The following CIDEA variants were observed in gnomAD, a reference collection of about 807,000 sequenced individuals.
CIDEA encodes cell death inducing DFFA like effector a, also known as lipid transferase CIDEA.
CIDEA carries 10 observed loss-of-function variants against 18.2 expected under a neutral mutation model. That is an observed-to-expected ratio of 0.55 (90% CI 0.34 to 0.93). The LOEUF (loss-of-function observed/expected upper bound fraction) is 0.93, where lower values mean the gene tolerates loss of function less well. Ranked by LOEUF, CIDEA falls within the 40% of genes least tolerant of loss-of-function variation. The pLI is 0.02. For missense variants in CIDEA, 309 were observed against 293.1 expected, an observed-to-expected ratio of 1.05 and a Z score of -0.40; for synonymous variants, 128 against 124.8, an observed-to-expected ratio of 1.03 and a Z score of -0.17.
intron 2 of CIDEA, 21 bp from the exon 3 acceptor site, chr18:12,264,286 T>A: frequency 6.4e-7 from 1 of 1,564,260 alleles, no homozygotes; most frequent in Admixed American, 2.0e-5. Context: ...ACTCCATTTC[T>A]CTGATGTGTT....
chr18:12,260,275 G>A (rs1349170320), intron 1 of CIDEA, among the ~76,000 whole-genome samples: 2 of 151,902 alleles, frequency 1.3e-5, no homozygotes, highest in African/African-American at 4.8e-5. Context: ...TCTAGGGCTC[G>A]AGCAATCCCC....
chr18:12,276,375 T>G (rs970037107), intron 4 of CIDEA, among the ~76,000 whole-genome samples: 2 of 151,974 alleles, frequency 1.3e-5, no homozygotes, highest in Non-Finnish European at 2.9e-5. Context: ...TCACTGCAGC[T>G]TCCAACTCTT....
At position 12,254,626 on chromosome 18, in the gene CIDEA, C is replaced by A. The variant is rs1462622559; in HGVS notation, c.38+205C>A. On this transcript the variant is annotated intron_variant, in intron 1 of 4. Transcript: ENST00000320477. ...CGTCCAGCCGCGCCCGCGGGCAGAGCCCAATCCCGTCCCGCGCCTCCTCAC... is the reference window on the plus strand; with the variant it reads ...CGTCCAGCCGCGCCCGCGGGCAGAGACCAATCCCGTCCCGCGCCTCCTCAC... 3.3e-6 allele frequency: 5 copies of A among 1,528,906 alleles called. No homozygotes were observed. The Admixed American group carries it at 9.9e-5, about 30-fold the overall frequency. The allele number at this position is 1,528,906 out of a possible 1,614,324, so 94.7% of individuals were successfully genotyped here.
chr18:12,274,284 T>A lies in CIDEA; in HGVS notation c.512+10T>A. 4.3e-6 allele frequency: 7 copies of A among 1,613,418 alleles called. No individual in the cohort carries two copies. In the South Asian group the frequency reaches 7.7e-5, roughly 18 times the overall value. On this transcript the variant is annotated intron_variant, in intron 4 of 4. Coordinates refer to ENST00000320477, the MANE Select transcript of CIDEA (RefSeq NM_001279.4). ...TCAAGGGCCTGCTGAGGTAACACAC[T>A]CCAGGGGTCACCTCCGGGGGTCTGC...
intron 1 of CIDEA, among the ~76,000 whole-genome samples, chr18:12,258,899 G>C (rs576311481): frequency 2.0e-4 from 30 of 152,310 alleles, no homozygotes; most frequent in African/African-American, 7.0e-4. Flanking sequence ...AGGTGGAGGC[G>C]ACGCCAGGGT....
At chr18:12,266,427 C>G (rs987021861) in intron 3 of CIDEA, among the ~76,000 whole-genome samples, 3 of 151,944 alleles carry the variant, frequency 2.0e-5, no homozygotes, top group East Asian at 1.9e-4. Flanking sequence ...TGCACTCCAG[C>G]CCCAGGGACA....
At chr18:12,263,266 G>A (rs996358565) in intron 2 of CIDEA, among the ~76,000 whole-genome samples, 1 of 152,190 alleles carries the variant, frequency 6.6e-6, no homozygotes, top group Non-Finnish European at 1.5e-5. Flanking sequence ...TTTCTTGGGT[G>A]ATGAAAGTGC....
chr18:12,259,854 C>T (rs1022824046), intron 1 of CIDEA, among the ~76,000 whole-genome samples: 1 of 152,154 alleles, frequency 6.6e-6, no homozygotes, highest in South Asian at 2.1e-4. Context: ...GAGCGAGACT[C>T]TGTCTCCAAA....
At chr18:12,275,673 G>T (rs1243014759) in intron 4 of CIDEA, among the ~76,000 whole-genome samples, 3 of 152,150 alleles carry the variant, frequency 2.0e-5, no homozygotes, top group Non-Finnish European at 2.9e-5. Context: ...CAGCAAAGGG[G>T]AAATGCCCTC....
At chr18:12,270,082 C>A (rs1055011699) in intron 3 of CIDEA, among the ~76,000 whole-genome samples, 1 of 152,128 alleles carries the variant, frequency 6.6e-6, no homozygotes, top group Non-Finnish European at 1.5e-5. Flanking sequence ...CACATCAAAT[C>A]ATTTACAGAT....
At chr18:12,264,013 G>A (rs1185813534) in intron 2 of CIDEA, 1 of 239,152 alleles carries the variant, frequency 4.2e-6, no homozygotes, top group Non-Finnish European at 8.0e-6. Context: ...GTGGCAGGAA[G>A]ATTGCTTGAG....
intron 3 of CIDEA, among the ~76,000 whole-genome samples, chr18:12,271,740 C>T (rs2144083282): frequency 6.6e-6 from 1 of 152,260 alleles, no homozygotes; most frequent in Admixed American, 6.5e-5. Flanking sequence ...TGCGCAACCA[C>T]CTCCCTGGAT....
At chr18:12,261,590 G>A (rs1912193552) in intron 1 of CIDEA, among the ~76,000 whole-genome samples, 2 of 151,900 alleles carry the variant, frequency 1.3e-5, no homozygotes, top group Admixed American at 1.3e-4. Flanking sequence ...TTCAGTTGGA[G>A]TCTCACTATG....
At chr18:12,273,398 C>A (rs1027148281) in intron 3 of CIDEA, among the ~76,000 whole-genome samples, 2 of 152,160 alleles carry the variant, frequency 1.3e-5, no homozygotes, top group East Asian at 3.8e-4. Flanking sequence ...CTGGGGGCAG[C>A]TTTGCTCTCA....
chr18:12,274,080 C>A lies in CIDEA; in HGVS notation c.331-13C>A. 1.2e-6 allele frequency: 2 copies of A among 1,613,954 alleles called. No homozygotes were observed. The highest frequency in any genetic ancestry group is 1.3e-5 in the African/African-American group (1 of 75,038). ...AAGGCTCCTGAAGCCTGCCCCTCCC[C>A]CCATTGTCACAGGGCAGCCAGCACG... On this transcript the variant is annotated splice_polypyrimidine_tract_variant and intron_variant, in intron 3 of 4. Transcript: ENST00000320477.
chr18:12,270,967 G>T (rs538598516), intron 3 of CIDEA, among the ~76,000 whole-genome samples: 235 of 126,472 alleles, frequency 1.9e-3, no homozygotes, highest in Non-Finnish European at 3.1e-3. Context: ...GGCGTGATCT[G>T]GGCTCACTGC....
intron 3 of CIDEA, among the ~76,000 whole-genome samples, chr18:12,267,464 G>A (rs1170601516): frequency 3.3e-5 from 5 of 152,250 alleles, no homozygotes; most frequent in Non-Finnish European, 5.9e-5. Flanking sequence ...AAAGATCACA[G>A]GATAATACAG....
chr18:12,275,932 A>T lies in CIDEA; in HGVS notation c.513-1191A>T, dbSNP rs1905314376. Among the ~76,000 whole-genome samples, 3 of 151,972 alleles carry T rather than the reference A, an allele frequency of 2.0e-5. No homozygotes were observed. In the South Asian group the frequency reaches 6.2e-4, roughly 32 times the overall value. On this transcript the variant is annotated intron_variant, in intron 4 of 4. Transcript: ENST00000320477. ...AGTTACAACAACTGAAAAAGGTAAG[A>T]TGAAGAAAGCTAACCTCACCCAAAA...
intron 2 of CIDEA, among the ~76,000 whole-genome samples, chr18:12,263,444 C>G (rs991266566): frequency 4.6e-5 from 7 of 152,150 alleles, no homozygotes; most frequent in African/African-American, 1.7e-4. Context: ...TTAAACTCAT[C>G]AGACCCTCTC....
Sources: allele counts gnomAD v4.1 joint callset (sites outside exome capture counted in the v4.1 genomes callset), GRCh38; gene constraint gnomAD v4.1.1; transcripts MANE v1.5; gene names NCBI Gene and HGNC (gene_info 2026-07-23, HGNC 2026-07-21).